Variants in MYT1L observed in about 807,000 individuals in gnomAD.
MYT1L encodes myelin transcription factor 1 like.
MYT1L carries 12 observed loss-of-function variants against 126.7 expected under a neutral mutation model. That is an observed-to-expected ratio of 0.09 (90% CI 0.06 to 0.15). The LOEUF is 0.15. MYT1L is among the 10% of genes least tolerant of loss of function. The probability of loss-of-function intolerance (pLI) is 1.00; values close to 1 mark genes in which losing one functional copy is unlikely to be tolerated. For synonymous variants in MYT1L, 541 were observed against 604.2 expected (o/e 0.90, Z 1.53); for missense variants, 979 against 1,585.2 (o/e 0.62, Z 6.49).
At chr2:2,192,334 T>C (rs2148750872) in intron 2 of MYT1L, among the ~76,000 whole-genome samples, 1 of 152,334 alleles carries the variant, frequency 6.6e-6, no homozygotes, top group South Asian at 2.1e-4. Context: ...CACGTAAAGT[T>C]TCTAGGATAA....
chr2:1,926,450 G>A (rs1004272597), intron 9 of MYT1L, among the ~76,000 whole-genome samples: 1 of 152,212 alleles, frequency 6.6e-6, no homozygotes, highest in Non-Finnish European at 1.5e-5. Context: ...CATGGGCTAT[G>A]GGAACTAGAT....
At chr2:2,063,877 G>A (rs1416252809) in intron 3 of MYT1L, among the ~76,000 whole-genome samples, 1 of 151,904 alleles carries the variant, frequency 6.6e-6, no homozygotes, top group Non-Finnish European at 1.5e-5. Context: ...TAAAAACCAC[G>A]TTTCCTTGAT....
intron 3 of MYT1L, among the ~76,000 whole-genome samples, chr2:2,111,038 T>G (rs939019227): frequency 6.6e-6 from 1 of 152,240 alleles, no homozygotes; most frequent in East Asian, 1.9e-4. Context: ...TGGAGCCATT[T>G]CCCTTGGCCA....
At chr2:1,874,697 C>T (rs918395450) in intron 18 of MYT1L, among the ~76,000 whole-genome samples, 4 of 152,196 alleles carry the variant, frequency 2.6e-5, no homozygotes, top group African/African-American at 9.6e-5. Flanking sequence ...GTCCCTCTGC[C>T]CGTGCCGTTT....
At position 1,889,567 on chromosome 2, in the gene MYT1L, C is replaced by G. The variant is rs1169495582; in HGVS notation, c.2284-90G>C. ...TCCCAGATTACAGTCCTGCCGTCAG[C>G]CAGTGTAGCGTTCAACACAGAATCC... On this transcript the variant is annotated intron_variant, in intron 15 of 24. Coordinates refer to ENST00000647738, the MANE Select transcript of MYT1L (RefSeq NM_001303052.2). This position sits in a 1 kb window ranked among gnomAD's most constrained non-coding sequence, Gnocchi z 4.1. 9.3e-7 allele frequency: 1 copy of G among 1,070,592 alleles called. No individual in the cohort carries two copies. Among genetic ancestry groups the G allele is most frequent in the Admixed American group, 2.5e-5 (1 of 40,260 alleles). The allele number at this position is 1,070,592 out of a possible 1,614,324, so 66.3% of individuals were successfully genotyped here. A position where few individuals can be genotyped will look rare whatever the true frequency, so the allele number is the denominator to read the frequency against.
In MYT1L at chr2:1,979,804, G is replaced by A. The variant is rs747335570; in HGVS notation, c.1-27C>T. Reference sequence around the variant, plus strand: ...TGGGGATAGATTAGCAGCCATCAATGTGCTTATCCTGCCTGTGCAGGCCAG... The same window carrying A: ...TGGGGATAGATTAGCAGCCATCAATATGCTTATCCTGCCTGTGCAGGCCAG... On this transcript the variant is annotated intron_variant, in intron 5 of 24. Transcript: ENST00000647738. The surrounding 1 kb of genome is among the most constrained non-coding windows in gnomAD (Gnocchi z 4.0). The A allele has an allele frequency of 6.2e-7, 1 of 1,613,174 alleles. No individual in the cohort carries two copies. Among genetic ancestry groups the A allele is most frequent in the South Asian group, 1.1e-5 (1 of 91,024 alleles).
At chr2:2,283,015 C>T (rs1053067484) in intron 2 of MYT1L, among the ~76,000 whole-genome samples, 1 of 152,180 alleles carries the variant, frequency 6.6e-6, no homozygotes, top group African/African-American at 2.4e-5. Flanking sequence ...GGAGAGGTTA[C>T]GGTGAGCCAA....
intron 18 of MYT1L, among the ~76,000 whole-genome samples, chr2:1,869,348 G>T (rs569136067): frequency 2.6e-4 from 39 of 152,350 alleles, no homozygotes; most frequent in African/African-American, 9.4e-4. Flanking sequence ...GGTTGGGAAG[G>T]GCACTGAGTT....
chr2:2,036,896 A>C (rs1326142326), intron 4 of MYT1L, among the ~76,000 whole-genome samples: 1 of 152,204 alleles, frequency 6.6e-6, no homozygotes, highest in African/African-American at 2.4e-5. Flanking sequence ...GCCTGTCACC[A>C]GGCCCTGCAG....
chr2:1,997,328 C>T lies in MYT1L; in HGVS notation c.-138G>A, dbSNP rs1442734163. 5 of 152,632 alleles carry T rather than the reference C, an allele frequency of 3.3e-5. No individual in the cohort carries two copies. The allele number at this position is 152,632 out of a possible 1,614,324, so 9.5% of individuals were successfully genotyped here. On this transcript the variant is annotated 5_prime_UTR_variant, in exon 5 of 25. Coordinates refer to ENST00000647738, the MANE Select transcript of MYT1L (RefSeq NM_001303052.2). ...ACTGTGGCAAAGTCACTTAATCTCT[C>T]TATGCCTTGATTTCTCCATCTGTAA...
At position 1,917,296 on chromosome 2, in the gene MYT1L, G is replaced by A. The variant is rs114191331; in HGVS notation, c.1527C>T (p.Pro509=). ...TEKKESKCPT[P]GCDGTGHVTG... ...TTACGTGGCCGGTTCCATCACACCC[G>A]GGGGTTGGACACTTGCTCTCTTTCT... is the stretch of plus-strand genomic sequence containing the variant. Residue 509 remains proline, a synonymous_variant, in exon 11 of 25, where the codon CCC becomes CCT. Coordinates refer to ENST00000647738, the MANE Select transcript of MYT1L (RefSeq NM_001303052.2). This position sits in a 1 kb window ranked among gnomAD's most constrained non-coding sequence, Gnocchi z 5.9. 6.6e-4 allele frequency: 1,058 copies of A among 1,612,858 alleles called. 6 individuals carry two copies. In the African/African-American group the frequency reaches 0.011, roughly 17 times the overall value.
At chr2:2,292,016 G>T (rs1272221296) in intron 1 of MYT1L, among the ~76,000 whole-genome samples, 1 of 152,346 alleles carries the variant, frequency 6.6e-6, no homozygotes, top group South Asian at 2.1e-4. Context: ...GGTGGGGCCC[G>T]ACTGCCCATC....
chr2:2,292,683 G>A (rs1030278312), intron 1 of MYT1L, among the ~76,000 whole-genome samples: 3 of 152,170 alleles, frequency 2.0e-5, no homozygotes, highest in Non-Finnish European at 4.4e-5. Flanking sequence ...CTGTGCTCAA[G>A]TCACACAGAG....
At chr2:1,940,927 C>T (rs892007367) in intron 9 of MYT1L, among the ~76,000 whole-genome samples, 1 of 152,218 alleles carries the variant, frequency 6.6e-6, no homozygotes, top group African/African-American at 2.4e-5. Flanking sequence ...ATCAGCCAGT[C>T]GCTCCTTTGG....
intron 2 of MYT1L, among the ~76,000 whole-genome samples, chr2:2,251,039 T>G (rs532402964): frequency 6.6e-6 from 1 of 152,300 alleles, no homozygotes; most frequent in South Asian, 2.1e-4. Flanking sequence ...TTTAATGGCA[T>G]GAAAAATGTT....
intron 1 of MYT1L, among the ~76,000 whole-genome samples, chr2:2,310,559 T>C (rs920282165): frequency 2.0e-5 from 3 of 152,224 alleles, no homozygotes; most frequent in African/African-American, 7.2e-5. Flanking sequence ...TATTCTCTTC[T>C]ATGAGCTTTT....
At chr2:1,812,605 C>T (rs184754885) in intron 21 of MYT1L, among the ~76,000 whole-genome samples, 2 of 152,116 alleles carry the variant, frequency 1.3e-5, no homozygotes, top group African/African-American at 4.8e-5. Flanking sequence ...TAGCCGGGCG[C>T]GGTGGTTCAT....
Position 1,979,427 on chromosome 2 carries a change from G to T in MYT1L, c.89+94C>A. 7.7e-7 allele frequency: 1 copy of T among 1,306,964 alleles called. No homozygotes were observed. The highest frequency in any genetic ancestry group is 1.1e-6 in the Non-Finnish European group (1 of 900,964). The allele number at this position is 1,306,964 out of a possible 1,614,324, so 81.0% of individuals were successfully genotyped here. On this transcript the variant is annotated intron_variant, in intron 7 of 24. Coordinates refer to ENST00000647738, the MANE Select transcript of MYT1L (RefSeq NM_001303052.2). This position sits in a 1 kb window ranked among gnomAD's most constrained non-coding sequence, Gnocchi z 4.0. ...CATCAGTGCAGCAGGGCGTGAGCAAGCTGCCGATGAGCTGGAAGGTGCAGT... is the reference window on the plus strand; with the variant it reads ...CATCAGTGCAGCAGGGCGTGAGCAATCTGCCGATGAGCTGGAAGGTGCAGT...
intron 3 of MYT1L, among the ~76,000 whole-genome samples, chr2:2,145,430 A>T (rs767107633): frequency 3.3e-5 from 5 of 152,196 alleles, no homozygotes; most frequent in Non-Finnish European, 5.9e-5. Flanking sequence ...TGTCATAAAA[A>T]TAGTCCTGTC....
Sources: allele counts gnomAD v4.1 joint callset (sites outside exome capture counted in the v4.1 genomes callset), GRCh38; gene constraint gnomAD v4.1.1; non-coding constraint Gnocchi (gnomAD v3.1); transcripts MANE v1.5; gene names NCBI Gene and HGNC (gene_info 2026-07-23, HGNC 2026-07-21).